Variants in TMEM17 observed in about 807,000 individuals in gnomAD.
TMEM17 encodes transmembrane protein 17.
In TMEM17, 15 loss-of-function variants were observed where a neutral mutation model predicts 19.1. The ratio of observed to expected loss-of-function variants is 0.78; its 90% CI spans 0.52 to 1.21. The LOEUF (loss-of-function observed/expected upper bound fraction) is 1.21. TMEM17 is among the 50% of genes most tolerant of loss of function. The probability of loss-of-function intolerance (pLI) is 0.00; values close to 1 mark genes in which losing one functional copy is unlikely to be tolerated. For missense variants in TMEM17, 245 were observed against 242.3 expected, an observed-to-expected ratio of 1.01 and a Z score of -0.07; for synonymous variants, 103 against 86.9, an observed-to-expected ratio of 1.19 and a Z score of -1.03.
At chr2:62,464,386 C>G in the TMEM17 span, among the ~76,000 whole-genome samples, 1 of 152,250 alleles carries the variant, frequency 6.6e-6, no homozygotes, top group Non-Finnish European at 1.5e-5. Context: ...GTTCCCACCT[C>G]ATTCACTTGT....
chr2:62,457,891 T>C, the TMEM17 span, among the ~76,000 whole-genome samples: 1 of 152,166 alleles, frequency 6.6e-6, no homozygotes, highest in Non-Finnish European at 1.5e-5. The surrounding 1 kb of genome is among the most constrained non-coding windows in gnomAD (Gnocchi z 4.2). Flanking sequence ...AGACCTTCAT[T>C]TGTTGCACCA....
chr2:62,502,730 T>A lies in TMEM17; in HGVS notation c.165A>T (p.Pro55=). Residue 55 remains proline, a synonymous_variant, in exon 2 of 4, where the codon CCA becomes CCT. Transcript: ENST00000335390. ...MSLYFNTYYF[P]LWWVSSIMML... ...TCATAATGCTGCTCACCCACCACAG[T>A]GGGAAATAGTAGGTATTAAAATAAA... 6.2e-7 allele frequency: 1 copy of A among 1,609,960 alleles called. No homozygotes were observed. The highest frequency in any genetic ancestry group is 8.5e-7 in the Non-Finnish European group (1 of 1,178,868).
chr2:62,501,079 T>G lies in TMEM17; in HGVS notation c.*130A>C, dbSNP rs987472323. The stretch of plus-strand genomic sequence containing the variant: ...CAAAGTTTCATCATTGCCCCCAACC[T>G]TGGAATTTCAGAGTGAGAGCATATA... On this transcript the variant is annotated 3_prime_UTR_variant, in exon 4 of 4. Coordinates refer to ENST00000335390, the MANE Select transcript of TMEM17 (RefSeq NM_198276.3). 1 of 1,077,020 alleles carries G rather than the reference T, an allele frequency of 9.3e-7. No homozygotes were observed. The highest frequency in any genetic ancestry group is 1.3e-6 in the Non-Finnish European group (1 of 753,582). The allele number at this position is 1,077,020 out of a possible 1,614,324, so 66.7% of individuals were successfully genotyped here.
the TMEM17 span, among the ~76,000 whole-genome samples, chr2:62,490,456 G>T: frequency 6.6e-6 from 1 of 151,954 alleles, no homozygotes; most frequent in South Asian, 2.1e-4. Context: ...TAGACACAGG[G>T]TCTCACTATG....
chr2:62,501,509 G>A (rs367717909), intron 3 of TMEM17, 22 bp from the exon 4 acceptor site: 7 of 1,591,636 alleles, frequency 4.4e-6, no homozygotes, highest in African/African-American at 1.4e-5. Context: ...CATATCAAGA[G>A]TAATAAAAAT....
the TMEM17 span, among the ~76,000 whole-genome samples, chr2:62,491,740 C>T: frequency 2.6e-5 from 4 of 152,026 alleles, no homozygotes; most frequent in African/African-American, 7.2e-5. Context: ...CATGAAAGCA[C>T]GTAGCATTTC....
the TMEM17 span, among the ~76,000 whole-genome samples, chr2:62,471,802 G>A: frequency 4.6e-5 from 7 of 152,266 alleles, no homozygotes; most frequent in African/African-American, 1.7e-4. Context: ...GTGGGCTGGT[G>A]TGCCTTGCTG....
chr2:62,489,568 T>C, the TMEM17 span, among the ~76,000 whole-genome samples: 1 of 152,218 alleles, frequency 6.6e-6, no homozygotes, highest in Non-Finnish European at 1.5e-5. Flanking sequence ...TTATTTGGGC[T>C]TGCTTGCAAA....
the TMEM17 span, among the ~76,000 whole-genome samples, chr2:62,484,236 C>G: frequency 1.3e-5 from 2 of 152,360 alleles, no homozygotes; most frequent in African/African-American, 4.8e-5. Flanking sequence ...ATGGTGGGAA[C>G]CTATATCTGC....
the TMEM17 span, among the ~76,000 whole-genome samples, chr2:62,467,650 G>A: frequency 5.3e-5 from 8 of 152,170 alleles, no homozygotes; most frequent in South Asian, 1.0e-3. Flanking sequence ...CCCAAACTGC[G>A]TGTCCCTTTG....
the TMEM17 span, among the ~76,000 whole-genome samples, chr2:62,476,590 A>G: frequency 3.3e-5 from 5 of 152,246 alleles, no homozygotes. Context: ...AAGTTGCACC[A>G]TCATAAATCA....
the TMEM17 span, among the ~76,000 whole-genome samples, chr2:62,483,646 C>T: frequency 1.4e-5 from 2 of 148,074 alleles, no homozygotes; most frequent in South Asian, 2.1e-4. Context: ...GTCACCCAGG[C>T]TAGAATGCAA....
At chr2:62,492,865 G>T in the TMEM17 span, among the ~76,000 whole-genome samples, 1 of 152,194 alleles carries the variant, frequency 6.6e-6, no homozygotes, top group Non-Finnish European at 1.5e-5. Flanking sequence ...AGACAGAGCA[G>T]TTTGGAGGGA....
At chr2:62,489,100 C>T in the TMEM17 span, among the ~76,000 whole-genome samples, 1 of 152,194 alleles carries the variant, frequency 6.6e-6, no homozygotes, top group African/African-American at 2.4e-5. Flanking sequence ...CCCAGCATCT[C>T]AGAAAGCAAT....
At chr2:62,466,363 C>T in the TMEM17 span, among the ~76,000 whole-genome samples, 1 of 152,146 alleles carries the variant, frequency 6.6e-6, no homozygotes, top group Non-Finnish European at 1.5e-5. Flanking sequence ...CTGCTTCCTG[C>T]CTGCTGGTCC....
chr2:62,502,852 A>G (rs1679969591), intron 1 of TMEM17, 58 bp from the exon 2 acceptor site: 7 of 1,010,316 alleles, frequency 6.9e-6, no homozygotes, highest in African/African-American at 1.6e-5. Flanking sequence ...CCCTATATAT[A>G]TATATCCTAT....
At chr2:62,480,299 G>A in the TMEM17 span, among the ~76,000 whole-genome samples, 1 of 151,606 alleles carries the variant, frequency 6.6e-6, no homozygotes, top group Non-Finnish European at 1.5e-5. Context: ...TGAGTTTCTT[G>A]TGTATTCTGG....
At chr2:62,464,940 T>A in the TMEM17 span, among the ~76,000 whole-genome samples, 1 of 152,174 alleles carries the variant, frequency 6.6e-6, no homozygotes, top group Non-Finnish European at 1.5e-5. Context: ...CAAGCGCTGA[T>A]CTTGGGTTTT....
At chr2:62,469,716 C>T in the TMEM17 span, among the ~76,000 whole-genome samples, 1 of 152,228 alleles carries the variant, frequency 6.6e-6, no homozygotes, top group African/African-American at 2.4e-5. Context: ...CAGAAGGAGG[C>T]ACATTCTTGG....
Sources: gnomAD v4.1 joint callset for allele counts (sites outside exome capture counted in the v4.1 genomes callset) on GRCh38, gnomAD v4.1.1 for gene constraint, Gnocchi (gnomAD v3.1) non-coding constraint, MANE v1.5 for transcripts, NCBI Gene and HGNC (gene_info 2026-07-23, HGNC 2026-07-21) for gene names.